MTMR7: variants seen among roughly 807,000 people sequenced by gnomAD.
MTMR7 encodes the protein myotubularin related protein 7.
A neutral mutation model predicts 81.2 loss-of-function variants in MTMR7; 76 were observed. The ratio of observed to expected loss-of-function variants is 0.94; its 90% CI spans 0.78 to 1.13. The LOEUF (loss-of-function observed/expected upper bound fraction) is 1.13, where lower values mean the gene tolerates loss of function less well. Ranked by LOEUF, MTMR7 falls within the 50% of genes most tolerant of loss-of-function variation. The pLI is 0.00. For missense variants in MTMR7, 1,044 were observed against 820.0 expected (o/e 1.27, Z -3.34); for synonymous variants, 372 against 289.8 (o/e 1.28, Z -2.88).
chr8:17,348,828 A>C, intron 5 of MTMR7, 125 bp downstream of exon 5: 1 of 1,143,358 alleles, frequency 8.7e-7, no homozygotes, highest in Non-Finnish European at 1.3e-6. Context: ...ATGCACAGGA[A>C]TATCCACATA....
At chr8:17,324,827 G>A (rs991782154) in intron 7 of MTMR7, among the ~76,000 whole-genome samples, 1 of 152,092 alleles carries the variant, frequency 6.6e-6, no homozygotes, top group African/African-American at 2.4e-5. Flanking sequence ...GTTATTATTG[G>A]TTATCTCCTC....
chr8:17,353,042 C>G (rs1166687608), intron 4 of MTMR7, among the ~76,000 whole-genome samples: 1 of 152,124 alleles, frequency 6.6e-6, no homozygotes, highest in Non-Finnish European at 1.5e-5. Context: ...GGAAGCAACC[C>G]AGATGTCCAT....
chr8:17,312,808 T>A (rs530334262), intron 8 of MTMR7, among the ~76,000 whole-genome samples: 214 of 152,040 alleles, frequency 1.4e-3, no homozygotes, highest in African/African-American at 4.9e-3. Flanking sequence ...TTTATTTCTT[T>A]AAAAAAAACT....
chr8:17,332,851 A>G (rs558416643), intron 6 of MTMR7, among the ~76,000 whole-genome samples: 36 of 152,192 alleles, frequency 2.4e-4, no homozygotes, highest in Non-Finnish European at 3.8e-4. Context: ...CGTGTTTATC[A>G]AGCAGAATAA....
intron 3 of MTMR7, among the ~76,000 whole-genome samples, chr8:17,364,317 GCCACCGCGCC>G (rs1820155430): frequency 1.3e-5 from 2 of 152,150 alleles, no homozygotes; most frequent in South Asian, 2.1e-4. Flanking sequence ...ACAGGCGTGA[GCCACCGCGCC>G]CGGTCAAAAA....
At chr8:17,336,909 C>T (rs1819258009) in intron 6 of MTMR7, among the ~76,000 whole-genome samples, 1 of 152,112 alleles carries the variant, frequency 6.6e-6, no homozygotes, top group East Asian at 1.9e-4. Flanking sequence ...TCAAACGGAG[C>T]GAGTGTGGGC....
intron 6 of MTMR7, 84 bp from the exon 7 acceptor site, chr8:17,331,366 A>T (rs1383821141): frequency 2.7e-5 from 37 of 1,376,726 alleles, no homozygotes; most frequent in Non-Finnish European, 3.6e-5. Context: ...ATGGATACCC[A>T]ATCAAAGCAT....
At chr8:17,338,262 C>T (rs1295180708) in intron 6 of MTMR7, among the ~76,000 whole-genome samples, 1 of 152,188 alleles carries the variant, frequency 6.6e-6, no homozygotes, top group African/African-American at 2.4e-5. Context: ...TAAATATACC[C>T]TTCAAATCAA....
chr8:17,300,693 G>C (rs938380538), intron 13 of MTMR7, among the ~76,000 whole-genome samples: 2 of 152,124 alleles, frequency 1.3e-5, no homozygotes, highest in Non-Finnish European at 2.9e-5. Flanking sequence ...GTTGTGCAAC[G>C]ATCACTACTA....
intron 3 of MTMR7, among the ~76,000 whole-genome samples, chr8:17,365,705 T>C (rs1037964642): frequency 1.3e-5 from 2 of 152,192 alleles, no homozygotes. Flanking sequence ...GCACCTTTAA[T>C]TTTTAAAAAA....
rs76951725 is a variant in MTMR7, at chr8:17,324,443, T to C, written c.865+6707A>G. ...CATCCATGGTTACATAGCCAGTAAA[T>C]AACTGAGCTGGAATCCATTCCACCG... On this transcript the variant is annotated intron_variant, in intron 7 of 13. Coordinates refer to ENST00000180173, the MANE Select transcript of MTMR7 (RefSeq NM_004686.5). Among the ~76,000 whole-genome samples the C allele has an allele frequency of 1.7e-4, 26 of 152,272 alleles. No homozygotes were observed. The East Asian group carries it at 5.0e-3, about 29-fold the overall frequency.
At chr8:17,408,195 C>G (rs955614065) in intron 1 of MTMR7, among the ~76,000 whole-genome samples, 3 of 65,010 alleles carry the variant, frequency 4.6e-5, no homozygotes, top group African/African-American at 9.6e-5. Context: ...TCGAGACCAT[C>G]CCGGCTAAAA....
At chr8:17,405,862 ACACACACACACACACACC>A (rs1255977546) in intron 1 of MTMR7, among the ~76,000 whole-genome samples, 15 of 94,220 alleles carry the variant, frequency 1.6e-4, no homozygotes, top group Non-Finnish European at 2.9e-4. Context: ...ACACACACAC[ACACACACACACACACACC>A]ACAGAGAAAA....
chr8:17,313,337 T>C lies in MTMR7; in HGVS notation c.930A>G (p.Leu310=). Residue 310 remains leucine (L), a synonymous_variant, in exon 8 of 14, where the codon TTA becomes TTG. Coordinates refer to ENST00000180173, the MANE Select transcript of MTMR7 (RefSeq NM_004686.5). The stretch of plus-strand genomic sequence containing the variant: ...CATCCATTATGGCTTTAATGTGCCT[T>C]AACCAGCCAGAGTTCTCCAGACCCC... ...FLWGLENSGW[L]RHIKAIMDAG... 6.2e-7 allele frequency: 1 copy of C among 1,613,344 alleles called. No individual in the cohort carries two copies. The highest frequency in any genetic ancestry group is 1.3e-5 in the African/African-American group (1 of 75,036).
At chr8:17,351,749 C>G (rs1349550695) in intron 4 of MTMR7, among the ~76,000 whole-genome samples, 8 of 152,206 alleles carry the variant, frequency 5.3e-5, no homozygotes, top group African/African-American at 1.9e-4. Context: ...CTGATGAGTA[C>G]TTGCTCGGGG....
intron 6 of MTMR7, 110 bp from the exon 7 acceptor site, chr8:17,331,392 G>C: frequency 8.6e-7 from 1 of 1,166,190 alleles, no homozygotes; most frequent in Non-Finnish European, 1.2e-6. Flanking sequence ...ATGATGTACG[G>C]AAACATAATA....
At chr8:17,373,374 A>T in intron 1 of MTMR7, 134 bp from the exon 2 acceptor site, 2 of 1,012,754 alleles carry the variant, frequency 2.0e-6, no homozygotes, top group East Asian at 5.4e-5. Context: ...TAAAAACCAA[A>T]AACTTCCCCT....
chr8:17,334,161 C>T (rs1819147808), intron 6 of MTMR7, among the ~76,000 whole-genome samples: 1 of 152,172 alleles, frequency 6.6e-6, no homozygotes, highest in Admixed American at 6.5e-5. Context: ...AATATTTCAT[C>T]TACCAGCTGA....
At chr8:17,394,723 C>G (rs988409438) in intron 1 of MTMR7, among the ~76,000 whole-genome samples, 13 of 152,010 alleles carry the variant, frequency 8.6e-5, no homozygotes, top group African/African-American at 2.7e-4. Flanking sequence ...ATGCCAAAAT[C>G]AAAAATATAT....
Sources: allele counts gnomAD v4.1 joint callset (sites outside exome capture counted in the v4.1 genomes callset), GRCh38; gene constraint gnomAD v4.1.1; transcripts MANE v1.5; gene names NCBI Gene and HGNC (gene_info 2026-07-23, HGNC 2026-07-21).